ARFGEF2: variants seen among roughly 807,000 people sequenced by gnomAD.
ARFGEF2 encodes ARF guanine nucleotide exchange factor 2, also known as brefeldin A-inhibited guanine nucleotide-exchange protein 2.
A neutral mutation model predicts 219.9 loss-of-function variants in ARFGEF2; 74 were observed. The ratio of observed to expected loss-of-function variants is 0.34; its 90% CI spans 0.28 to 0.41. ARFGEF2 has a LOEUF of 0.41. ARFGEF2 is among the 10% of genes least tolerant of loss of function. The pLI, the probability that ARFGEF2 is intolerant of heterozygous loss-of-function variation, is 1.00. For synonymous variants in ARFGEF2, 733 were observed against 799.2 expected, an observed-to-expected ratio of 0.92 and a Z score of 1.40; for missense variants, 1,743 against 2,218.3, an observed-to-expected ratio of 0.79 and a Z score of 4.30.
chr20:49,010,451 A>G (rs779742311), intron 27 of ARFGEF2, 47 bp downstream of exon 27: 2 of 1,603,810 alleles, frequency 1.2e-6, no homozygotes, highest in South Asian at 2.2e-5. Context: ...CTGCAAGTCT[A>G]GAAGAGTGTC....
At chr20:49,005,269 C>T in intron 26 of ARFGEF2, 48 bp downstream of exon 26, 2 of 1,610,466 alleles carry the variant, frequency 1.2e-6, no homozygotes, top group Non-Finnish European at 1.7e-6. Flanking sequence ...CCCGTTGGGG[C>T]TCCCAGAAGC....
intron 36 of ARFGEF2, among the ~76,000 whole-genome samples, chr20:49,027,525 A>G (rs1033610164): frequency 5.9e-5 from 9 of 151,748 alleles, no homozygotes; most frequent in Non-Finnish European, 1.0e-4. Flanking sequence ...GTAAAACCCC[A>G]TCTCTACAAA....
rs71337478 is a variant in ARFGEF2 at position 48,963,175 on chromosome 20, C to CAAAAAAAAAAAAAAAA, written c.839-641_839-640insAAAAAAAAAAAAAAAA. ...TGGGCAAGACAGCAAAACTCTGTCT[C>CAAAAAAAAAAAAAAAA]AAAAAAAAAAAAAAGTAATGTTTAC... On this transcript the variant is annotated intron_variant, in intron 6 of 38. Transcript: ENST00000371917. Among the ~76,000 whole-genome samples the CAAAAAAAAAAAAAAAA allele has an allele frequency of 1.1e-4, 12 of 110,834 alleles. 1 individual carries two copies. Among genetic ancestry groups the CAAAAAAAAAAAAAAAA allele is most frequent in the African/African-American group, 4.6e-4 (11 of 24,072 alleles). 72.7% of individuals were successfully genotyped at this position (110,834 alleles called of 152,430 possible). A position where few individuals can be genotyped will look rare whatever the true frequency, so the allele number is the denominator to read the frequency against.
chr20:48,966,489 G>A (rs1426553263), intron 8 of ARFGEF2, among the ~76,000 whole-genome samples: 2 of 152,170 alleles, frequency 1.3e-5, no homozygotes, highest in South Asian at 4.2e-4. Flanking sequence ...TATGTATCCT[G>A]TGTTGCAACC....
At position 48,989,679 on chromosome 20, in the gene ARFGEF2, A is replaced by G; in HGVS notation, c.2809A>G (p.Met937Val). ...AATCCGAATCGCCTGCATCTTTGGA[A>G]TGCAGGTAGGTGTAAGTCAGCAACA... ...CAIRIACIFG[M>V]QLERDAYVQA... Residue 937 changes from methionine to valine, a missense_variant, in exon 20 of 39, where the codon ATG becomes GTG. Physicochemically the swap from Met to Val is conservative, Grantham distance 21. This residue lies in a region of ARFGEF2 where 666 missense variants were observed against 955.4 expected (regional missense o/e 0.70). Coordinates refer to ENST00000371917, the MANE Select transcript of ARFGEF2 (RefSeq NM_006420.3). The G allele has an allele frequency of 6.2e-7, 1 of 1,614,202 alleles. No individual in the cohort carries two copies. Among genetic ancestry groups the G allele is most frequent in the Non-Finnish European group, 8.5e-7 (1 of 1,180,032 alleles).
At chr20:48,984,078 T>C (rs1482538251) in intron 14 of ARFGEF2, among the ~76,000 whole-genome samples, 3 of 150,292 alleles carry the variant, frequency 2.0e-5, no homozygotes, top group Admixed American at 6.6e-5. Flanking sequence ...AAAAAATAAA[T>C]ACAAAATAAC....
chr20:48,948,022 A>G (rs905508470), intron 3 of ARFGEF2, among the ~76,000 whole-genome samples: 1 of 152,212 alleles, frequency 6.6e-6, no homozygotes, highest in Non-Finnish European at 1.5e-5. Flanking sequence ...TATACCATAA[A>G]CATTATCTTT....
At position 48,989,027 on chromosome 20, in the gene ARFGEF2, G is replaced by A. The variant is rs1184671346; in HGVS notation, c.2534-258G>A. Among the ~76,000 whole-genome samples the A allele has an allele frequency of 2.0e-5, 3 of 152,180 alleles. No homozygotes were observed. In the South Asian group the frequency reaches 6.2e-4, roughly 32 times the overall value. On this transcript the variant is annotated intron_variant, in intron 18 of 38. Transcript: ENST00000371917. ...AAGCAGCAAAGGGTAGTGGTTTAGA[G>A]TGTGGCTCTAGAGCCACACTGCCTT...
intron 9 of ARFGEF2, among the ~76,000 whole-genome samples, chr20:48,969,520 C>G (rs377036322): frequency 5.6e-4 from 86 of 152,292 alleles, no homozygotes; most frequent in Middle Eastern, 6.8e-3. Flanking sequence ...CATATGAATG[C>G]TAAAAAAGTC....
intron 3 of ARFGEF2, among the ~76,000 whole-genome samples, chr20:48,945,774 G>T (rs1220315517): frequency 6.6e-6 from 1 of 152,202 alleles, no homozygotes; most frequent in Non-Finnish European, 1.5e-5. Context: ...AGAGGCAGGA[G>T]AATTGCTTGG....
In ARFGEF2 at chr20:48,963,922, C is replaced by G. The variant is rs144143002; in HGVS notation, c.907+24C>G. On this transcript the variant is annotated intron_variant, in intron 7 of 38. Transcript: ENST00000371917. Reference sequence around the variant, plus strand: ...AGGTAAGAACCAAGGACAACCCAGCCTTTCCTCTTCCCTCATTCCTCCAAA... The same window carrying G: ...AGGTAAGAACCAAGGACAACCCAGCGTTTCCTCTTCCCTCATTCCTCCAAA... The G allele has an allele frequency of 2.0e-4, 327 of 1,610,186 alleles. 1 individual carries two copies. The African/African-American group carries it at 4.0e-3, about 20-fold the overall frequency.
chr20:48,958,664 G>T (rs6095378), intron 6 of ARFGEF2, among the ~76,000 whole-genome samples: 2 of 151,642 alleles, frequency 1.3e-5, no homozygotes, highest in African/African-American at 4.9e-5. Flanking sequence ...GGATGGTCTC[G>T]ATCTCCTGAC....
At position 48,942,827 on chromosome 20, in the gene ARFGEF2, T is replaced by C. The variant is rs148451755; in HGVS notation, c.276+840T>C. 3.2e-3 allele frequency among the ~76,000 whole-genome samples: 481 copies of C among 152,300 alleles called. 3 individuals are homozygous for C. The highest frequency in any genetic ancestry group is 0.011 in the African/African-American group (448 of 41,556). ...CCTCCCATACTGAATTAGCAAACAT[T>C]GAATCTTTGTTCCTGGAGGAACTAC... On this transcript the variant is annotated intron_variant, in intron 3 of 38. Transcript: ENST00000371917.
rs149975227 is a variant in ARFGEF2 at position 48,950,862 on chromosome 20, GCA to G, written c.277-442_277-441del. Among the ~76,000 whole-genome samples the G allele has an allele frequency of 2.6e-3, 245 of 95,452 alleles. 1 individual carries two copies. Among genetic ancestry groups the G allele is most frequent in the African/African-American group, 6.1e-3 (169 of 27,740 alleles). 62.6% of individuals were successfully genotyped at this position (95,452 alleles called of 152,430 possible). A position where few individuals can be genotyped will look rare whatever the true frequency, so the allele number is the denominator to read the frequency against. The stretch of plus-strand genomic sequence containing the variant: ...TATATATATATGTATGTATATACAT[GCA>G]CACACACACACACACACAAAATTTT... On this transcript the variant is annotated intron_variant, in intron 3 of 38. Coordinates refer to ENST00000371917, the MANE Select transcript of ARFGEF2 (RefSeq NM_006420.3).
chr20:49,027,861 C>T (rs2091612543), intron 36 of ARFGEF2, among the ~76,000 whole-genome samples: 1 of 152,170 alleles, frequency 6.6e-6, no homozygotes, highest in African/African-American at 2.4e-5. Flanking sequence ...GGCTCAGTGG[C>T]TCATGTCTGT....
At chr20:48,992,206 C>T (rs970644176) in intron 21 of ARFGEF2, among the ~76,000 whole-genome samples, 2 of 152,124 alleles carry the variant, frequency 1.3e-5, no homozygotes, top group Non-Finnish European at 2.9e-5. Context: ...CATTGTCTCT[C>T]GTGGCAAAAT....
intron 1 of ARFGEF2, among the ~76,000 whole-genome samples, chr20:48,935,123 CTTGGGTGTTTCTCGCAGGGGGGGA>C (rs1277963101): frequency 4.6e-5 from 5 of 108,476 alleles, no homozygotes; most frequent in Non-Finnish European, 9.4e-5. Context: ...ATTGATCATT[CTTGGGTGTTTCTCGCAGGGGGGGA>C]TTTGGCAGGG....
rs2090945546 is a variant in ARFGEF2, at chr20:48,935,749, AGG to A, written c.122-5448_122-5447del. Among the ~76,000 whole-genome samples, 5 of 138,584 alleles carry A rather than the reference AGG, an allele frequency of 3.6e-5. No homozygotes were observed. The South Asian group carries it at 1.2e-3, about 33-fold the overall frequency. The allele number at this position is 138,584 out of a possible 152,430, so 90.9% of individuals were successfully genotyped here. ...TGACACCCCCACCTCCCTCCCGGAC[AGG>A]GCGGCTGGCTGGGCGGGGGGCTGAC... On this transcript the variant is annotated intron_variant, in intron 1 of 38. Transcript: ENST00000371917.
chr20:48,985,139 G>A (rs1211067842), intron 15 of ARFGEF2, among the ~76,000 whole-genome samples: 1 of 150,922 alleles, frequency 6.6e-6, no homozygotes, highest in Non-Finnish European at 1.5e-5. Flanking sequence ...ACGGCTGCCT[G>A]TCTGCAACTA....
Sources: allele counts gnomAD v4.1 joint callset (sites outside exome capture counted in the v4.1 genomes callset), GRCh38; gene constraint gnomAD v4.1.1; regional missense constraint gnomAD v4.1.1; transcripts MANE v1.5; gene names NCBI Gene and HGNC (gene_info 2026-07-23, HGNC 2026-07-21).